NBAS: variants seen among roughly 807,000 people sequenced by gnomAD.
The protein encoded by NBAS is NAG/BC035112 fusion.
In NBAS, 219 loss-of-function variants were observed where a neutral mutation model predicts 302.5. The observed-to-expected ratio is 0.72, with a 90% CI of 0.65 to 0.81. The LOEUF is 0.81. Among genes scored for constraint, NBAS ranks in the 30% least tolerant of loss-of-function variants. The pLI, the probability that NBAS is intolerant of heterozygous loss-of-function variation, is 0.00. For missense variants in NBAS, 2,932 were observed against 2,841.6 expected (o/e 1.03, Z -0.72); for synonymous variants, 1,118 against 1,021.6 (o/e 1.09, Z -1.80).
At chr2:15,203,754 T>C (rs961643770) in intron 48 of NBAS, among the ~76,000 whole-genome samples, 34 of 152,110 alleles carry the variant, frequency 2.2e-4, no homozygotes, top group Middle Eastern at 3.4e-3. Flanking sequence ...CAAAAAAGAA[T>C]ACCTGAAATC....
At chr2:14,823,563 C>A in the NBAS span, among the ~76,000 whole-genome samples, 2 of 152,308 alleles carry the variant, frequency 1.3e-5, no homozygotes, top group Non-Finnish European at 2.9e-5. Context: ...CTTTCTATAG[C>A]AGGCCAGGGT....
chr2:15,546,722 C>T (rs965517095), intron 6 of NBAS, among the ~76,000 whole-genome samples: 1 of 152,078 alleles, frequency 6.6e-6, no homozygotes, highest in Non-Finnish European at 1.5e-5. Flanking sequence ...AGCCAGACTC[C>T]GTCTGAAAAC....
chr2:15,288,513 A>G (rs2148097518), intron 41 of NBAS, among the ~76,000 whole-genome samples: 1 of 152,314 alleles, frequency 6.6e-6, no homozygotes, highest in South Asian at 2.1e-4. Flanking sequence ...CAGGCCTGCT[A>G]GGGGACCTGC....
chr2:15,377,908 C>T (rs1674825249), intron 30 of NBAS, among the ~76,000 whole-genome samples: 1 of 152,148 alleles, frequency 6.6e-6, no homozygotes, highest in African/African-American at 2.4e-5. Context: ...AATCTCATTA[C>T]TTTATTTAAA....
At chr2:15,412,562 A>T (rs1676732458) in intron 25 of NBAS, among the ~76,000 whole-genome samples, 1 of 152,218 alleles carries the variant, frequency 6.6e-6, no homozygotes, top group African/African-American at 2.4e-5. Context: ...CATTACTAAA[A>T]ATACTTTGTG....
At chr2:15,532,864 T>TAA (rs543524636) in intron 9 of NBAS, among the ~76,000 whole-genome samples, 1 of 150,726 alleles carries the variant, frequency 6.6e-6, no homozygotes. Context: ...CACATCTTGG[T>TAA]AAAAAAAAAT....
chr2:15,144,056 T>TATATATATTATC, the NBAS span, among the ~76,000 whole-genome samples: 1 of 140,842 alleles, frequency 7.1e-6, no homozygotes, highest in African/African-American at 2.7e-5. Context: ...AAAATATATA[T>TATATATATTATC]ATATATATAT....
intron 2 of NBAS, 60 bp from the exon 3 acceptor site, chr2:15,556,879 A>G: frequency 4.4e-6 from 6 of 1,348,488 alleles, no homozygotes; most frequent in Non-Finnish European, 6.4e-6. Flanking sequence ...TCATTTTCAA[A>G]TTAGATTTAT....
the NBAS span, among the ~76,000 whole-genome samples, chr2:15,070,606 A>G: frequency 6.6e-6 from 1 of 152,096 alleles, no homozygotes; most frequent in African/African-American, 2.4e-5. Flanking sequence ...TCCCCTAGCA[A>G]CACTCATTCC....
the NBAS span, among the ~76,000 whole-genome samples, chr2:14,882,454 T>G: frequency 6.6e-6 from 1 of 152,136 alleles, no homozygotes; most frequent in Non-Finnish European, 1.5e-5. Context: ...CAAAGAAACT[T>G]GCCTAAGCCA....
chr2:15,138,949 C>A, the NBAS span, among the ~76,000 whole-genome samples: 1 of 152,164 alleles, frequency 6.6e-6, no homozygotes, highest in Admixed American at 6.5e-5. Context: ...CTTTTGTTTT[C>A]TCTCAATTGC....
rs1676568468 is a variant in NBAS at position 15,409,280 on chromosome 2, G to GT, written c.2937+6265dup. Among the ~76,000 whole-genome samples the GT allele has an allele frequency of 1.3e-5, 2 of 152,118 alleles. 1 individual carries two copies. Among genetic ancestry groups the GT allele is most frequent in the South Asian group, 4.1e-4 (2 of 4,832 alleles). ...AGTACATCTAAATATAGGCTGAACT[G>GT]TATTTCACTTATCCTCCTCAAGATC... On this transcript the variant is annotated intron_variant, in intron 25 of 51. Transcript: ENST00000281513.
At chr2:14,947,538 G>A in the NBAS span, among the ~76,000 whole-genome samples, 1 of 152,152 alleles carries the variant, frequency 6.6e-6, no homozygotes, top group South Asian at 2.1e-4. Flanking sequence ...TTTTTTGGTA[G>A]AGTCTTTAGG....
the NBAS span, among the ~76,000 whole-genome samples, chr2:14,872,198 A>G: frequency 6.6e-6 from 1 of 152,216 alleles, no homozygotes; most frequent in Non-Finnish European, 1.5e-5. Context: ...TAGTAATTCT[A>G]AATATTTATG....
chr2:15,461,368 T>C (rs1679500338), intron 20 of NBAS, 31 bp from the exon 21 acceptor site: 4 of 1,603,184 alleles, frequency 2.5e-6, no homozygotes, highest in East Asian at 4.5e-5. Flanking sequence ...AAGTTTCTAA[T>C]GTAAATCTAA....
chr2:15,187,858 G>A (rs1468911137), intron 49 of NBAS, among the ~76,000 whole-genome samples: 2 of 152,164 alleles, frequency 1.3e-5, no homozygotes, highest in East Asian at 1.9e-4. Flanking sequence ...ACAAGGGGAC[G>A]AGCCCTTGGC....
At chr2:14,976,512 T>C in the NBAS span, among the ~76,000 whole-genome samples, 1 of 152,236 alleles carries the variant, frequency 6.6e-6, no homozygotes, top group African/African-American at 2.4e-5. Context: ...CCAGAATGTT[T>C]ATACCCTGGG....
At chr2:15,339,595 G>C (rs969812642) in intron 35 of NBAS, among the ~76,000 whole-genome samples, 1 of 152,126 alleles carries the variant, frequency 6.6e-6, no homozygotes, top group Non-Finnish European at 1.5e-5. Context: ...CTGCTACAAA[G>C]AACTTACAAT....
intron 44 of NBAS, among the ~76,000 whole-genome samples, chr2:15,274,232 A>T (rs1197032845): frequency 6.6e-6 from 1 of 152,252 alleles, no homozygotes; most frequent in Admixed American, 6.5e-5. Flanking sequence ...CACAACTACT[A>T]ATCTAGTGAT....
Sources: allele counts gnomAD v4.1 joint callset (sites outside exome capture counted in the v4.1 genomes callset), GRCh38; gene constraint gnomAD v4.1.1; transcripts MANE v1.5; gene names NCBI Gene and HGNC (gene_info 2026-07-23, HGNC 2026-07-21).